PDE4D: variants seen among roughly 807,000 people sequenced by gnomAD.
PDE4D encodes phosphodiesterase 4D, also known as 3',5'-cyclic-AMP phosphodiesterase 4D.
In PDE4D, 24 loss-of-function variants were observed where a neutral mutation model predicts 87.4. The ratio of observed to expected loss-of-function variants is 0.27; its 90% CI spans 0.20 to 0.39. The LOEUF (loss-of-function observed/expected upper bound fraction) is 0.39, where lower values mean the gene tolerates loss of function less well. Among genes scored for constraint, PDE4D ranks in the 10% least tolerant of loss-of-function variants. PDE4D has a pLI of 1.00. For synonymous variants in PDE4D, 384 were observed against 383.2 expected, an observed-to-expected ratio of 1.00 and a Z score of -0.02; for missense variants, 714 against 1,041.0, an observed-to-expected ratio of 0.69 and a Z score of 4.32.
In PDE4D at chr5:59,380,293, C is replaced by G. The variant is rs2028841; in HGVS notation, c.456-164325G>C. ...GGACTCACCACATGAAAATTAGAAT[C>G]TAAAGCAATTAAAAAAACTATTAGG... On this transcript the variant is annotated intron_variant, in intron 1 of 14. Transcript: ENST00000340635. 2.1e-5 allele frequency among the ~76,000 whole-genome samples: 3 copies of G among 145,530 alleles called. 1 individual carries two copies. The Admixed American group carries it at 2.1e-4, about 10-fold the overall frequency.
chr5:59,457,959 C>T (rs566644565), intron 1 of PDE4D, among the ~76,000 whole-genome samples: 2 of 152,106 alleles, frequency 1.3e-5, no homozygotes, highest in Admixed American at 6.5e-5. Context: ...AAGAAAATAA[C>T]GACCTACAGT....
intron 1 of PDE4D, among the ~76,000 whole-genome samples, chr5:60,204,250 CTCTA>C (rs1411639915): frequency 1.3e-5 from 2 of 152,146 alleles, no homozygotes; most frequent in Admixed American, 6.5e-5. Flanking sequence ...ATCTATATCT[CTCTA>C]TCTCTCTGTC....
chr5:60,429,522 G>T (rs1744010830), intron 1 of PDE4D, among the ~76,000 whole-genome samples: 1 of 152,198 alleles, frequency 6.6e-6, no homozygotes, highest in Admixed American at 6.5e-5. Flanking sequence ...AGCAGTGAGA[G>T]TGGGCATCCT....
At chr5:59,715,254 T>G (rs1369348381) in intron 1 of PDE4D, among the ~76,000 whole-genome samples, 1 of 152,184 alleles carries the variant, frequency 6.6e-6, no homozygotes, top group Non-Finnish European at 1.5e-5. Flanking sequence ...GTACGCTGAG[T>G]ACAAGTCCCT....
chr5:59,053,638 GTTTTT>G (rs1205199951), intron 5 of PDE4D, among the ~76,000 whole-genome samples: 13 of 84,702 alleles, frequency 1.5e-4, no homozygotes. Flanking sequence ...AAGTTGTTTT[GTTTTT>G]TGTTTTTTTT....
chr5:60,250,316 C>G (rs1325211864), intron 1 of PDE4D, among the ~76,000 whole-genome samples: 7 of 151,796 alleles, frequency 4.6e-5, no homozygotes, highest in Admixed American at 3.3e-4. Flanking sequence ...TCCCCAGTCC[C>G]TGATCAAAGA....
At chr5:59,564,867 G>A (rs1820620273) in intron 1 of PDE4D, among the ~76,000 whole-genome samples, 1 of 152,140 alleles carries the variant, frequency 6.6e-6, no homozygotes, top group African/African-American at 2.4e-5. Context: ...CAGAAACTAG[G>A]GATGCAGCAC....
At chr5:60,135,187 T>A (rs1289278911) in intron 2 of PDE4D, among the ~76,000 whole-genome samples, 2 of 152,186 alleles carry the variant, frequency 1.3e-5, no homozygotes, top group African/African-American at 4.8e-5. Context: ...CCTTTAACCA[T>A]GTAGACACAA....
intron 1 of PDE4D, among the ~76,000 whole-genome samples, chr5:59,875,493 A>G (rs1418237517): frequency 6.8e-6 from 1 of 146,794 alleles, no homozygotes; most frequent in African/African-American, 2.5e-5. Flanking sequence ...AAAAAAAAGA[A>G]GGAATCTGTA....
intron 1 of PDE4D, among the ~76,000 whole-genome samples, chr5:59,434,421 C>T (rs567282333): frequency 6.6e-6 from 1 of 152,110 alleles, no homozygotes; most frequent in South Asian, 2.1e-4. Flanking sequence ...CCTCCCCAAC[C>T]CTCGTGTTTT....
At chr5:59,226,093 G>A (rs1739722600) in intron 1 of PDE4D, among the ~76,000 whole-genome samples, 1 of 151,916 alleles carries the variant, frequency 6.6e-6, no homozygotes, top group South Asian at 2.1e-4. Context: ...CAGTATGGAA[G>A]TTCCTCAAAA....
intron 1 of PDE4D, among the ~76,000 whole-genome samples, chr5:60,284,005 C>G (rs541040708): frequency 6.6e-6 from 1 of 152,134 alleles, no homozygotes; most frequent in Admixed American, 6.5e-5. Context: ...TACGCAGAAT[C>G]ATCCACACTA....
chr5:60,441,298 T>C (rs1012221761), intron 1 of PDE4D, among the ~76,000 whole-genome samples: 2 of 152,052 alleles, frequency 1.3e-5, no homozygotes, highest in Non-Finnish European at 2.9e-5. Context: ...TCTACAACCA[T>C]CTGATCTTTG....
At chr5:59,582,507 T>A (rs761838481) in intron 1 of PDE4D, among the ~76,000 whole-genome samples, 92 of 152,300 alleles carry the variant, frequency 6.0e-4, no homozygotes, top group Middle Eastern at 6.8e-3. Context: ...TATTAGTAGA[T>A]TTAAACACAT....
At chr5:60,008,181 T>C (rs1273689350) in intron 2 of PDE4D, among the ~76,000 whole-genome samples, 2 of 151,968 alleles carry the variant, frequency 1.3e-5, no homozygotes, top group Admixed American at 1.3e-4. Context: ...GATATATTTA[T>C]ATCTCTCCAA....
At chr5:60,328,752 C>T (rs1757033523) in intron 1 of PDE4D, among the ~76,000 whole-genome samples, 1 of 152,068 alleles carries the variant, frequency 6.6e-6, no homozygotes, top group African/African-American at 2.4e-5. Context: ...AATATGTACC[C>T]CAGAATATGC....
chr5:60,181,939 C>G (rs1784407866), intron 2 of PDE4D, among the ~76,000 whole-genome samples: 1 of 152,124 alleles, frequency 6.6e-6, no homozygotes, highest in African/African-American at 2.4e-5. Context: ...ATATCCTGTT[C>G]TCTTGTCTGT....
intron 1 of PDE4D, among the ~76,000 whole-genome samples, chr5:59,722,815 T>C (rs1756042372): frequency 6.6e-6 from 1 of 152,126 alleles, no homozygotes; most frequent in African/African-American, 2.4e-5. Flanking sequence ...CTGGGCTCAG[T>C]ATACTCCTAT....
chr5:59,636,358 C>A (rs1412093972), intron 1 of PDE4D, among the ~76,000 whole-genome samples: 1 of 152,150 alleles, frequency 6.6e-6, no homozygotes, highest in African/African-American at 2.4e-5. Flanking sequence ...CATTGACTTT[C>A]TTCACAGAAT....
Sources: allele counts gnomAD v4.1 joint callset (sites outside exome capture counted in the v4.1 genomes callset), GRCh38; gene constraint gnomAD v4.1.1; transcripts MANE v1.5; gene names NCBI Gene and HGNC (gene_info 2026-07-23, HGNC 2026-07-21).